Variants in BRINP2 observed in about 807,000 individuals in gnomAD.
BRINP2 encodes BMP/retinoic acid-inducible neural-specific protein 2.
Under a neutral mutation model 69.2 loss-of-function variants are expected in BRINP2, and 21 were observed. The ratio of observed to expected loss-of-function variants is 0.30; its 90% confidence interval spans 0.22 to 0.44. The LOEUF (loss-of-function observed/expected upper bound fraction) is 0.44. Ranked by LOEUF, BRINP2 falls within the 20% of genes least tolerant of loss-of-function variation. BRINP2 has a pLI of 1.00. For missense variants in BRINP2, 877 were observed against 986.0 expected (o/e 0.89, Z 1.48); for synonymous variants, 380 against 394.1 (o/e 0.96, Z 0.42).
At chr1:177,279,923 G>A (rs1335148398) in intron 7 of BRINP2, among the ~76,000 whole-genome samples, 1 of 152,112 alleles carries the variant, frequency 6.6e-6, no homozygotes, top group Non-Finnish European at 1.5e-5. Context: ...TAACATAAGA[G>A]CTAAAATCAA....
chr1:177,222,337 C>G (rs1218436916), intron 1 of BRINP2, among the ~76,000 whole-genome samples: 1 of 151,736 alleles, frequency 6.6e-6, no homozygotes, highest in Non-Finnish European at 1.5e-5. Flanking sequence ...TTCGAGATGG[C>G]GTCTCACTCT....
intron 2 of BRINP2, among the ~76,000 whole-genome samples, chr1:177,240,964 C>G (rs1650179906): frequency 6.6e-6 from 1 of 152,066 alleles, no homozygotes; most frequent in Non-Finnish European, 1.5e-5. Flanking sequence ...GAGGTGCTCA[C>G]TGGAGCCAAT....
At chr1:177,241,212 C>T (rs571743950) in intron 2 of BRINP2, among the ~76,000 whole-genome samples, 25 of 152,254 alleles carry the variant, frequency 1.6e-4, no homozygotes, top group Admixed American at 2.0e-4. Flanking sequence ...ACCTCGTGAT[C>T]CCCCTGCCTC....
Position 177,282,324 on chromosome 1 carries a change from AC to A in BRINP2, c.*797del, listed in dbSNP as rs2102368448. The A allele has an allele frequency of 6.6e-6, 1 of 152,340 alleles. No homozygotes were observed. The allele number at this position is 152,340 out of a possible 1,614,324, so 9.4% of individuals were successfully genotyped here. ...AAATGTTCTTTTTTAAAAAAAAATA[AC>A]AAAAACAAAACAAAACTATTTATTT... On this transcript the variant is annotated 3_prime_UTR_variant, in exon 8 of 8. Coordinates refer to ENST00000361539, the MANE Select transcript of BRINP2 (RefSeq NM_021165.4).
chr1:177,196,677 G>T (rs1648757995), intron 1 of BRINP2, among the ~76,000 whole-genome samples: 1 of 151,704 alleles, frequency 6.6e-6, no homozygotes, highest in South Asian at 2.1e-4. Flanking sequence ...CAGACCTATT[G>T]ACTCAGAAGC....
At chr1:177,243,581 A>G (rs1040447007) in intron 2 of BRINP2, among the ~76,000 whole-genome samples, 2 of 152,218 alleles carry the variant, frequency 1.3e-5, no homozygotes, top group African/African-American at 4.8e-5. Context: ...CCAGCTAGGC[A>G]ATACAGTTAA....
At chr1:177,176,168 C>G (rs1039124854) in intron 1 of BRINP2, among the ~76,000 whole-genome samples, 18 of 152,266 alleles carry the variant, frequency 1.2e-4, no homozygotes, top group African/African-American at 3.1e-4. Context: ...GAAATGCAAA[C>G]TTTTCTGGAA....
At chr1:177,173,035 T>TC (rs1356060863) in intron 1 of BRINP2, among the ~76,000 whole-genome samples, 1 of 152,100 alleles carries the variant, frequency 6.6e-6, no homozygotes, top group South Asian at 2.1e-4. Context: ...GTATACCAAA[T>TC]CCCCCGGGGG....
intron 1 of BRINP2, among the ~76,000 whole-genome samples, chr1:177,185,561 A>G (rs1489617434): frequency 2.6e-5 from 4 of 152,196 alleles, no homozygotes; most frequent in Non-Finnish European, 5.9e-5. Context: ...GTATTTATAA[A>G]CAAACGTAAT....
chr1:177,224,087 G>A (rs1649623160), intron 1 of BRINP2, among the ~76,000 whole-genome samples: 2 of 152,140 alleles, frequency 1.3e-5, no homozygotes, highest in South Asian at 4.1e-4. Context: ...TTGCTCTTAA[G>A]AATGTCCTGT....
rs1334044670 is a variant in BRINP2 at position 177,255,954 on chromosome 1, T to C, written c.305T>C (p.Leu102Pro). The stretch of plus-strand genomic sequence containing the variant: ...CGTTGGAAGGTGAACAACTTGGCTC[T>C]GGAAAGGAAGGACTTCTTCAGTTTG... ...FARWKVNNLA[L>P]ERKDFFSLPL... The change falls in exon 3 of 8, where the codon CTG becomes CCG. Residue 102 changes from leucine to proline, a missense_variant. Leu to Pro is a moderately conservative substitution (Grantham distance 98, BLOSUM62 -3). This residue lies in a region of BRINP2 where 566 missense variants were observed against 625.2 expected (regional missense o/e 0.91). Coordinates refer to ENST00000361539, the MANE Select transcript of BRINP2 (RefSeq NM_021165.4). 16 of 1,614,216 alleles carry C rather than the reference T, an allele frequency of 9.9e-6. No homozygotes were observed. The highest frequency in any genetic ancestry group is 3.3e-4 in the Middle Eastern group (2 of 6,062).
At chr1:177,187,583 G>A (rs1648464603) in intron 1 of BRINP2, among the ~76,000 whole-genome samples, 1 of 152,146 alleles carries the variant, frequency 6.6e-6, no homozygotes, top group South Asian at 2.1e-4. Flanking sequence ...AAGCCTGGAG[G>A]ATCAGCTTGC....
chr1:177,276,379 C>T lies in BRINP2; in HGVS notation c.957C>T (p.Ser319=), dbSNP rs374498970. 94 of 1,614,170 alleles carry T rather than the reference C, an allele frequency of 5.8e-5. 1 individual carries two copies. The African/African-American group carries it at 1.1e-3, about 19-fold the overall frequency. The change falls in exon 6 of 8, where the codon AGC becomes AGT. Residue 319 remains serine, a synonymous_variant. Transcript: ENST00000361539. ...PDADIQAMED[S]LLQIQDSWAT... ...CTGACATCCAGGCCATGGAGGACAG[C>T]CTGCTGCAGATCCAGGACTCCTGGG...
chr1:177,224,090 T>C (rs180893930), intron 1 of BRINP2, among the ~76,000 whole-genome samples: 120 of 152,332 alleles, frequency 7.9e-4, no homozygotes, highest in Admixed American at 6.5e-3. Flanking sequence ...CTCTTAAGAA[T>C]GTCCTGTCAT....
At chr1:177,203,674 G>T (rs891602483) in intron 1 of BRINP2, among the ~76,000 whole-genome samples, 2 of 152,000 alleles carry the variant, frequency 1.3e-5, no homozygotes, top group Admixed American at 1.3e-4. Flanking sequence ...ACTTTTTATT[G>T]ATTTAAGGAA....
chr1:177,179,634 C>G (rs1215242816), intron 1 of BRINP2, among the ~76,000 whole-genome samples: 1 of 152,162 alleles, frequency 6.6e-6, no homozygotes, highest in Admixed American at 6.5e-5. Context: ...TTTTGCTGAA[C>G]CACTTTATTT....
intron 1 of BRINP2, among the ~76,000 whole-genome samples, chr1:177,179,660 A>G (rs1648192368): frequency 6.6e-6 from 1 of 151,946 alleles, no homozygotes; most frequent in South Asian, 2.1e-4. Context: ...CTCTCCTGTG[A>G]ACAACGTGTC....
At chr1:177,249,024 A>G (rs1444106392) in intron 2 of BRINP2, among the ~76,000 whole-genome samples, 2 of 152,134 alleles carry the variant, frequency 1.3e-5, no homozygotes, top group Non-Finnish European at 2.9e-5. Flanking sequence ...TACAACCAGA[A>G]GCATCATTTT....
At chr1:177,191,045 T>C (rs1481214085) in intron 1 of BRINP2, among the ~76,000 whole-genome samples, 33 of 152,088 alleles carry the variant, frequency 2.2e-4, no homozygotes, top group Admixed American at 2.2e-3. Context: ...CAAAGGGCCC[T>C]GGCTGTGTCA....
Sources: allele counts gnomAD v4.1 joint callset (sites outside exome capture counted in the v4.1 genomes callset), GRCh38; gene constraint gnomAD v4.1.1; regional missense constraint gnomAD v4.1.1; transcripts MANE v1.5; gene names NCBI Gene and HGNC (gene_info 2026-07-23, HGNC 2026-07-21).